The following PTGER3 variants were observed in gnomAD, a reference collection of about 807,000 sequenced individuals.
The protein encoded by PTGER3 is prostaglandin E receptor 3.
In PTGER3, 22 loss-of-function variants were observed where a neutral mutation model predicts 34.7. That is an observed-to-expected ratio of 0.63 (90% CI 0.45 to 0.91). The LOEUF (loss-of-function observed/expected upper bound fraction) is 0.91. PTGER3 is among the 40% of genes least tolerant of loss of function. PTGER3 has a pLI of 0.00. For synonymous variants in PTGER3, 241 were observed against 230.1 expected (o/e 1.05, Z -0.43); for missense variants, 468 against 519.4 (o/e 0.90, Z 0.96).
intron 2 of PTGER3, among the ~76,000 whole-genome samples, chr1:70,991,842 A>C (rs929001711): frequency 6.6e-6 from 1 of 152,196 alleles, no homozygotes; most frequent in Admixed American, 6.5e-5. Context: ...CAGATAATGC[A>C]TTTACTTTCT....
chr1:70,904,882 G>A (rs1646913144), intron 4 of PTGER3, among the ~76,000 whole-genome samples: 1 of 152,168 alleles, frequency 6.6e-6, no homozygotes, highest in South Asian at 2.1e-4. Context: ...ACATGATGGG[G>A]AAAATGTCTC....
chr1:70,930,104 T>C (rs1648539907), intron 4 of PTGER3, among the ~76,000 whole-genome samples: 1 of 152,248 alleles, frequency 6.6e-6, no homozygotes, highest in Admixed American at 6.5e-5. Flanking sequence ...TGTTATTTCA[T>C]GTTCCCAAAG....
chr1:70,925,018 G>A (rs1006972934), intron 4 of PTGER3, among the ~76,000 whole-genome samples: 3 of 152,072 alleles, frequency 2.0e-5, no homozygotes, highest in African/African-American at 7.2e-5. Flanking sequence ...TGATTGGATT[G>A]AAGGATGCAA....
intron 1 of PTGER3, among the ~76,000 whole-genome samples, chr1:71,013,702 C>CAAAAAAAA (rs111381892): frequency 9.5e-6 from 1 of 105,606 alleles, no homozygotes. Flanking sequence ...AACTCTGTCT[C>CAAAAAAAA]AAAAAAAAAA....
intron 2 of PTGER3, among the ~76,000 whole-genome samples, chr1:70,954,002 G>A (rs959215119): frequency 2.0e-5 from 3 of 151,988 alleles, no homozygotes; most frequent in African/African-American, 7.3e-5. Flanking sequence ...TCATCCCCTC[G>A]GTTCTGCCTA....
intron 4 of PTGER3, among the ~76,000 whole-genome samples, chr1:70,922,128 C>G (rs1379623213): frequency 1.3e-5 from 2 of 152,120 alleles, no homozygotes; most frequent in Non-Finnish European, 1.5e-5. Flanking sequence ...CTTTTAAAAA[C>G]TGTTCATTTT....
intron 2 of PTGER3, chr1:71,006,256 C>G: frequency 1.0e-6 from 1 of 985,410 alleles, no homozygotes. Context: ...GGACAGAATT[C>G]TCCTTGGATA....
In PTGER3 at chr1:70,994,693, C is replaced by G. The variant is rs186043521; in HGVS notation, c.1077+17612G>C. Among the ~76,000 whole-genome samples, 1,162 of 152,112 alleles carry G rather than the reference C, an allele frequency of 7.6e-3. 15 individuals are homozygous for G. Among genetic ancestry groups the G allele is most frequent in the Non-Finnish European group, 0.013 (889 of 67,980 alleles). ...ACATATTCTTGATCTCCTGACCTTG[C>G]GATCCACCCCCCTCAGCCTCCTAAA... On this transcript the variant is annotated intron_variant, in intron 2 of 3. Coordinates refer to ENST00000306666, the MANE Select transcript of PTGER3 (RefSeq NM_198719.2).
At chr1:70,952,180 G>A (rs1650823090), downstream of PTGER3, among the ~76,000 whole-genome samples, 1 of 152,034 alleles carries the variant, frequency 6.6e-6, no homozygotes, top group South Asian at 2.1e-4. Flanking sequence ...GAAATGAATA[G>A]TAGAAGATAT....
intron 1 of PTGER3, among the ~76,000 whole-genome samples, chr1:71,026,417 G>GA (rs1658931378): frequency 1.3e-5 from 2 of 151,966 alleles, no homozygotes; most frequent in African/African-American, 4.8e-5. Flanking sequence ...CGAAACTTCT[G>GA]AAAAAAATGT....
chr1:71,008,280 A>C lies in PTGER3; in HGVS notation c.1077+4025T>G, dbSNP rs1418750700. 3.3e-6 allele frequency: 3 copies of C among 903,396 alleles called. No individual in the cohort carries two copies. In the African/African-American group the frequency reaches 5.4e-5, roughly 16 times the overall value. The allele number at this position is 903,396 out of a possible 1,614,324, so 56.0% of individuals were successfully genotyped here. On this transcript the variant is annotated intron_variant, in intron 2 of 3. Transcript: ENST00000306666. ...TGAAAATAAGATAATTTTTATTCTC[A>C]GTAAAGAAAATGTGTGACATAAATA...
At chr1:71,009,625 T>C in intron 2 of PTGER3, 1 of 985,264 alleles carries the variant, frequency 1.0e-6, no homozygotes, top group Non-Finnish European at 1.2e-6. Context: ...AATTGACACT[T>C]GCTAATTTTA....
At chr1:70,910,529 C>T (rs763838278) in intron 4 of PTGER3, among the ~76,000 whole-genome samples, 14 of 152,206 alleles carry the variant, frequency 9.2e-5, no homozygotes, top group Non-Finnish European at 2.1e-4. Flanking sequence ...TCACCTCAGT[C>T]TCCCAAGTGA....
intron 4 of PTGER3, among the ~76,000 whole-genome samples, chr1:70,943,316 A>G (rs899904975): frequency 6.6e-6 from 1 of 152,160 alleles, no homozygotes; most frequent in Non-Finnish European, 1.5e-5. Context: ...TTTGTTGTCT[A>G]CTTTCTTTAC....
intron 4 of PTGER3, among the ~76,000 whole-genome samples, chr1:70,864,036 G>A (rs1412791989): frequency 2.0e-5 from 3 of 152,020 alleles, no homozygotes; most frequent in African/African-American, 4.8e-5. Flanking sequence ...TACAGAAATC[G>A]GGTAGCAGTT....
At chr1:70,947,559 G>A (rs1480328540), downstream of PTGER3, 2 of 152,080 alleles carry the variant, frequency 1.3e-5, no homozygotes. Context: ...TAATACAGTA[G>A]GTGTGCAACA....
intron 1 of PTGER3, among the ~76,000 whole-genome samples, chr1:71,032,446 A>G (rs189861388): frequency 2.4e-4 from 36 of 152,374 alleles, no homozygotes; most frequent in Admixed American, 8.5e-4. Flanking sequence ...TCAGTAAAAT[A>G]TTGTATTATT....
rs748106085 is a variant in PTGER3, at chr1:71,046,743, C to T, written c.835G>A (p.Glu279Lys). The T allele has an allele frequency of 1.2e-6, 2 of 1,611,388 alleles. No individual in the cohort carries two copies. The highest frequency in any genetic ancestry group is 3.4e-5 in the Admixed American group (2 of 59,656). ...ATCCCCATAAGCTGAATGGCCGTCT[C>T]GGTCGTGATGCGGCCCCACTGGGCA... is the stretch of plus-strand genomic sequence containing the variant. ...SSAQWGRITT[E>K]TAIQLMGIMC... Residue 279 changes from glutamate (E) to lysine (K), a missense_variant, in exon 1 of 4, where the codon GAG becomes AAG. Transcript: ENST00000306666.
chr1:70,906,024 A>T (rs1219246094), intron 4 of PTGER3, among the ~76,000 whole-genome samples: 2 of 131,996 alleles, frequency 1.5e-5, no homozygotes, highest in African/African-American at 5.7e-5. Context: ...GATGAATCTC[A>T]TAGGATCTGA....
Sources: allele counts gnomAD v4.1 joint callset (sites outside exome capture counted in the v4.1 genomes callset), GRCh38; gene constraint gnomAD v4.1.1; transcripts MANE v1.5; gene names NCBI Gene and HGNC (gene_info 2026-07-23, HGNC 2026-07-21).